The following DLGAP1 variants were observed in gnomAD, a reference collection of about 807,000 sequenced individuals.
DLGAP1 encodes the protein disks large-associated protein 1.
In DLGAP1, 11 loss-of-function variants were observed where a neutral mutation model predicts 90.8. That is an observed-to-expected ratio of 0.12 (90% confidence interval 0.08 to 0.20). The LOEUF (loss-of-function observed/expected upper bound fraction) is 0.20, where lower values mean the gene tolerates loss of function less well. Ranked by LOEUF, DLGAP1 falls within the 10% of genes least tolerant of loss-of-function variation. The pLI is 1.00. For synonymous variants in DLGAP1, 558 were observed against 540.7 expected (o/e 1.03, Z -0.44); for missense variants, 1,050 against 1,333.8 (o/e 0.79, Z 3.31).
chr18:4,308,309 C>A (rs1223486413), intron 1 of DLGAP1, among the ~76,000 whole-genome samples: 1 of 152,108 alleles, frequency 6.6e-6, no homozygotes, highest in African/African-American at 2.4e-5. Context: ...CTGATTTCTA[C>A]CAGGACTTAA....
At chr18:3,994,294 C>T (rs2074026276) in intron 3 of DLGAP1, among the ~76,000 whole-genome samples, 1 of 152,208 alleles carries the variant, frequency 6.6e-6, no homozygotes, top group African/African-American at 2.4e-5. Context: ...AGCTCTAGTG[C>T]CCATAGGCTT....
chr18:3,602,170 C>T (rs2145768630), intron 7 of DLGAP1, among the ~76,000 whole-genome samples: 1 of 152,232 alleles, frequency 6.6e-6, no homozygotes, highest in South Asian at 2.1e-4. Flanking sequence ...AGTACTCTCA[C>T]CCTTCATTCA....
intron 9 of DLGAP1, among the ~76,000 whole-genome samples, chr18:3,541,246 A>G (rs2052677445): frequency 6.6e-6 from 1 of 152,202 alleles, no homozygotes; most frequent in South Asian, 2.1e-4. Context: ...AGAGAGAGAA[A>G]GAGAAGGAGG....
chr18:3,892,150 CACACACACACACACACA>C (rs1304499696), intron 3 of DLGAP1: 1 of 145,010 alleles, frequency 6.9e-6, no homozygotes, highest in Non-Finnish European at 1.5e-5. Flanking sequence ...CACACACACA[CACACACACACACACACA>C]GTCTTTCATA....
At position 4,099,270 on chromosome 18, in the gene DLGAP1, G is replaced by GTCTA. The variant is rs145071677; in HGVS notation, c.-159+51906_-159+51909dup. On this transcript the variant is annotated intron_variant, in intron 2 of 12. Transcript: ENST00000315677. Reference sequence around the variant, plus strand: ...TGTCTGTCTGTCTGTCTGTCTGTCTGTCTATCTATCTATCTATCTGTCTAT... The same window carrying GTCTA: ...TGTCTGTCTGTCTGTCTGTCTGTCTGTCTATCTATCTATCTATCTATCTGTCTAT... Among the ~76,000 whole-genome samples, 33 of 148,006 alleles carry GTCTA rather than the reference G, an allele frequency of 2.2e-4. No homozygotes were observed. The South Asian group carries it at 4.5e-3, about 20-fold the overall frequency.
chr18:4,076,282 G>A (rs2075521937), intron 2 of DLGAP1, among the ~76,000 whole-genome samples: 1 of 152,108 alleles, frequency 6.6e-6, no homozygotes, highest in Non-Finnish European at 1.5e-5. Flanking sequence ...AAACTTGCTA[G>A]AACTGAGTTA....
chr18:3,637,944 CTTTTTTTTTTT>C (rs56346479), intron 7 of DLGAP1, among the ~76,000 whole-genome samples: 4 of 109,416 alleles, frequency 3.7e-5, no homozygotes, highest in African/African-American at 1.4e-4. Flanking sequence ...TGCTAGGTAG[CTTTTTTTTTTT>C]TTTTTTTTTG....
At chr18:4,412,742 C>A (rs527462998) in intron 1 of DLGAP1, among the ~76,000 whole-genome samples, 3 of 152,144 alleles carry the variant, frequency 2.0e-5, no homozygotes, top group South Asian at 2.1e-4. Flanking sequence ...GCAAGGCCAA[C>A]AACAGAAAAA....
intron 1 of DLGAP1, among the ~76,000 whole-genome samples, chr18:4,267,206 C>T (rs2079150300): frequency 1.7e-5 from 2 of 118,126 alleles, no homozygotes; most frequent in African/African-American, 1.2e-4. Context: ...GTGTATCTAT[C>T]TACCTATCTA....
chr18:3,535,090 GTGTGTGT>G (rs1181550667), intron 9 of DLGAP1, among the ~76,000 whole-genome samples: 5 of 151,682 alleles, frequency 3.3e-5, no homozygotes, highest in African/African-American at 1.2e-4. Flanking sequence ...GTGTGTGTGT[GTGTGTGT>G]GTGTGTGTGT....
rs2083908534 is a variant in DLGAP1 at position 4,454,192 on chromosome 18, A to G, written c.-267+814T>C. Among the ~76,000 whole-genome samples, 1 of 152,174 alleles carries G rather than the reference A, an allele frequency of 6.6e-6. No individual in the cohort carries two copies. The highest frequency in any genetic ancestry group is 1.5e-5 in the Non-Finnish European group (1 of 68,026). On this transcript the variant is annotated intron_variant, in intron 1 of 12. Coordinates refer to ENST00000315677, the MANE Select transcript of DLGAP1 (RefSeq NM_004746.4). This position sits in a 1 kb window ranked among gnomAD's most constrained non-coding sequence, Gnocchi z 4.7. ...GTCTTCATCGCCGCGGGCCCTCCGA[A>G]GGTGCCTCTCCCAGCTGCAGCCGCC...
chr18:4,009,962 T>C (rs1180255308), intron 2 of DLGAP1, among the ~76,000 whole-genome samples: 1 of 152,320 alleles, frequency 6.6e-6, no homozygotes, highest in African/African-American at 2.4e-5. Context: ...AGACTAAAGA[T>C]GTAAAGAGGG....
intron 1 of DLGAP1, among the ~76,000 whole-genome samples, chr18:4,286,759 T>C (rs76018452): frequency 0.032 from 4,820 of 152,072 alleles, 176 homozygotes; most frequent in African/African-American, 0.09. Context: ...CTCAGGAAGG[T>C]TACAGAAAAT....
At chr18:3,545,859 G>A (rs959851944) in intron 9 of DLGAP1, among the ~76,000 whole-genome samples, 4 of 152,160 alleles carry the variant, frequency 2.6e-5, no homozygotes, top group Non-Finnish European at 4.4e-5. Flanking sequence ...ATATTACCAG[G>A]TAGGAAACAG....
intron 7 of DLGAP1, among the ~76,000 whole-genome samples, chr18:3,656,937 A>G (rs1294204056): frequency 2.0e-5 from 3 of 151,858 alleles, no homozygotes; most frequent in Non-Finnish European, 4.4e-5. Context: ...TAGTAGAAAC[A>G]TGGTTTCACT....
At chr18:4,389,777 A>G (rs557101390) in intron 1 of DLGAP1, among the ~76,000 whole-genome samples, 199 of 152,310 alleles carry the variant, frequency 1.3e-3, no homozygotes, top group Middle Eastern at 0.01. Flanking sequence ...CAACTGCATT[A>G]TTCTGTTATA....
chr18:3,882,214 T>C (rs913856774), intron 3 of DLGAP1, among the ~76,000 whole-genome samples: 3 of 152,058 alleles, frequency 2.0e-5, no homozygotes, highest in Non-Finnish European at 2.9e-5. Context: ...ATATATCTCT[T>C]CTTCCTAGTT....
chr18:3,697,603 C>T (rs776171085), intron 7 of DLGAP1, among the ~76,000 whole-genome samples: 7 of 151,962 alleles, frequency 4.6e-5, no homozygotes, highest in African/African-American at 1.5e-4. Context: ...GTTTTACTTT[C>T]GATTATGTGG....
At chr18:4,349,731 A>C (rs562901900) in intron 1 of DLGAP1, among the ~76,000 whole-genome samples, 2 of 152,166 alleles carry the variant, frequency 1.3e-5, no homozygotes, top group South Asian at 4.2e-4. Flanking sequence ...CGATAACATG[A>C]ATTGGTAGTG....
Sources: gnomAD v4.1 joint callset for allele counts (sites outside exome capture counted in the v4.1 genomes callset) on GRCh38, gnomAD v4.1.1 for gene constraint, Gnocchi (gnomAD v3.1) non-coding constraint, MANE v1.5 for transcripts, NCBI Gene and HGNC (gene_info 2026-07-23, HGNC 2026-07-21) for gene names.